PPP3CA: variants seen among roughly 807,000 people sequenced by gnomAD.
PPP3CA encodes the protein CAM-PRP catalytic subunit.
In PPP3CA, 14 loss-of-function variants were observed where a neutral mutation model predicts 66.5. The ratio of observed to expected loss-of-function variants is 0.21; its 90% CI spans 0.14 to 0.33. The LOEUF (loss-of-function observed/expected upper bound fraction) is 0.33. Ranked by LOEUF, PPP3CA falls within the 10% of genes least tolerant of loss-of-function variation. PPP3CA has a pLI of 1.00. For missense variants in PPP3CA, 317 were observed against 639.5 expected, an observed-to-expected ratio of 0.50 and a Z score of 5.44; for synonymous variants, 232 against 226.2, an observed-to-expected ratio of 1.03 and a Z score of -0.23.
intron 1 of PPP3CA, among the ~76,000 whole-genome samples, chr4:101,326,398 T>G (rs1232071176): frequency 6.6e-6 from 1 of 152,152 alleles, no homozygotes; most frequent in Admixed American, 6.5e-5. Flanking sequence ...CCTTAGGGAT[T>G]AAAAGAAACA....
intron 1 of PPP3CA, among the ~76,000 whole-genome samples, chr4:101,246,181 T>A (rs1415783272): frequency 6.6e-6 from 1 of 152,242 alleles, no homozygotes; most frequent in Non-Finnish European, 1.5e-5. Flanking sequence ...TTTCTTTACT[T>A]GCAGCAAAAG....
At chr4:101,130,960 C>T (rs186491526) in intron 2 of PPP3CA, among the ~76,000 whole-genome samples, 10 of 152,204 alleles carry the variant, frequency 6.6e-5, no homozygotes, top group Admixed American at 5.9e-4. Flanking sequence ...GGTGTGGTGG[C>T]TCACACCTGT....
At chr4:101,282,525 G>A (rs888630779) in intron 1 of PPP3CA, among the ~76,000 whole-genome samples, 3 of 152,276 alleles carry the variant, frequency 2.0e-5, no homozygotes, top group Admixed American at 2.0e-4. Flanking sequence ...AGGGCTTCTA[G>A]TCCTGGCTTC....
At position 101,324,139 on chromosome 4, in the gene PPP3CA, GGGAAGGAAGGGAGGGA is replaced by G. The variant is rs1359327387; in HGVS notation, c.58+22584_58+22599del. Among the ~76,000 whole-genome samples the G allele has an allele frequency of 2.8e-4, 34 of 122,842 alleles. 1 individual carries two copies. Among genetic ancestry groups the G allele is most frequent in the African/African-American group, 1.1e-3 (29 of 26,050 alleles). The allele number at this position is 122,842 out of a possible 152,430, so 80.6% of individuals were successfully genotyped here. ...AAAGAAAAGAAAGGAAGGGAAGGAA[GGGAAGGAAGGGAGGGA>G]GGAAGGAAGGAAGGAAGGAAGGAAG... is the stretch of plus-strand genomic sequence containing the variant. On this transcript the variant is annotated intron_variant, in intron 1 of 13. Transcript: ENST00000394854.
chr4:101,275,820 G>T (rs1407636113), intron 1 of PPP3CA, among the ~76,000 whole-genome samples: 1 of 150,492 alleles, frequency 6.6e-6, no homozygotes, highest in Admixed American at 6.6e-5. Context: ...TTTTGGGGTG[G>T]TGTGGTTTTT....
intron 1 of PPP3CA, among the ~76,000 whole-genome samples, chr4:101,268,447 A>G (rs1727235381): frequency 6.6e-6 from 1 of 152,116 alleles, no homozygotes; most frequent in African/African-American, 2.4e-5. Context: ...TTATGGTGCC[A>G]TAGGACCACA....
intron 1 of PPP3CA, among the ~76,000 whole-genome samples, chr4:101,218,131 G>T (rs1725511399): frequency 6.6e-6 from 1 of 152,024 alleles, no homozygotes; most frequent in South Asian, 2.1e-4. Flanking sequence ...AATAAACAGA[G>T]AAAAGAGGAG....
chr4:101,257,167 T>C (rs572169760), intron 1 of PPP3CA, among the ~76,000 whole-genome samples: 100 of 152,158 alleles, frequency 6.6e-4, no homozygotes, highest in Non-Finnish European at 1.3e-3. Flanking sequence ...TGTTATTGTT[T>C]ACTCCTGATT....
chr4:101,343,632 C>T (rs564349080), intron 1 of PPP3CA, among the ~76,000 whole-genome samples: 1 of 152,244 alleles, frequency 6.6e-6, no homozygotes, highest in African/African-American at 2.4e-5. Context: ...CAAAATGATA[C>T]AGCACTAGTT....
chr4:101,258,853 C>A (rs1314306338), intron 1 of PPP3CA, among the ~76,000 whole-genome samples: 1 of 152,136 alleles, frequency 6.6e-6, no homozygotes, highest in Non-Finnish European at 1.5e-5. Flanking sequence ...GACAAGTGAA[C>A]TGTTGAAGCC....
chr4:101,291,797 TA>T (rs1728034763), intron 1 of PPP3CA, among the ~76,000 whole-genome samples: 1 of 152,080 alleles, frequency 6.6e-6, no homozygotes, highest in Admixed American at 6.5e-5. Flanking sequence ...CAACTTCCCT[TA>T]CCTCCACTAG....
At chr4:101,188,660 C>T (rs1724490841) in intron 2 of PPP3CA, among the ~76,000 whole-genome samples, 1 of 152,090 alleles carries the variant, frequency 6.6e-6, no homozygotes. Flanking sequence ...ACATTGGGCT[C>T]TTTTGAAGGC....
intron 4 of PPP3CA, among the ~76,000 whole-genome samples, chr4:101,098,934 C>T (rs905867320): frequency 7.2e-5 from 11 of 152,100 alleles, no homozygotes; most frequent in Non-Finnish European, 1.3e-4. Flanking sequence ...TCTTACTGCA[C>T]ATTGCTTTTC....
chr4:101,029,045 T>A, intron 13 of PPP3CA, 121 bp downstream of exon 13: 1 of 898,032 alleles, frequency 1.1e-6, no homozygotes, highest in East Asian at 2.6e-5. Context: ...TGGTTAATAC[T>A]GAGCCACAAC....
At chr4:101,148,544 T>A (rs756815120) in intron 2 of PPP3CA, among the ~76,000 whole-genome samples, 9 of 152,174 alleles carry the variant, frequency 5.9e-5, no homozygotes, top group Non-Finnish European at 1.2e-4. Flanking sequence ...ATTAATCTCT[T>A]GATATACTTT....
At chr4:101,031,897 A>C (rs1176444651) in intron 12 of PPP3CA, among the ~76,000 whole-genome samples, 1 of 152,222 alleles carries the variant, frequency 6.6e-6, no homozygotes, top group African/African-American at 2.4e-5. Flanking sequence ...TCATAAATGA[A>C]ACATAACCAG....
chr4:101,329,766 C>G (rs1173187191), intron 1 of PPP3CA, among the ~76,000 whole-genome samples: 1 of 151,970 alleles, frequency 6.6e-6, no homozygotes, highest in East Asian at 1.9e-4. Context: ...GTAAGTGGAA[C>G]AACAAAGCCT....
At chr4:101,058,591 C>T (rs1197922063) in intron 10 of PPP3CA, among the ~76,000 whole-genome samples, 1 of 152,172 alleles carries the variant, frequency 6.6e-6, no homozygotes, top group Admixed American at 6.6e-5. Context: ...CAAACATGCA[C>T]TCCTACAATT....
chr4:101,328,233 A>T (rs1262716533), intron 1 of PPP3CA, among the ~76,000 whole-genome samples: 1 of 152,196 alleles, frequency 6.6e-6, no homozygotes, highest in African/African-American at 2.4e-5. Context: ...GTTCAGTTGG[A>T]TTCAAAATGC....
Sources: gnomAD v4.1 joint callset for allele counts (sites outside exome capture counted in the v4.1 genomes callset) on GRCh38, gnomAD v4.1.1 for gene constraint, MANE v1.5 for transcripts, NCBI Gene and HGNC (gene_info 2026-07-23, HGNC 2026-07-21) for gene names.